Variants in TM9SF2 observed in about 807,000 individuals in gnomAD.
TM9SF2 encodes transmembrane 9 superfamily member 2, also known as 76 kDa membrane protein.
In TM9SF2, 13 loss-of-function variants were observed where a neutral mutation model predicts 84.9. The ratio of observed to expected loss-of-function variants is 0.15; its 90% CI spans 0.10 to 0.24. TM9SF2 has a LOEUF of 0.24. Among genes scored for constraint, TM9SF2 ranks in the 10% least tolerant of loss-of-function variants. The pLI is 1.00. For synonymous variants in TM9SF2, 273 were observed against 285.8 expected, an observed-to-expected ratio of 0.96 and a Z score of 0.45; for missense variants, 562 against 818.5, an observed-to-expected ratio of 0.69 and a Z score of 3.82.
At chr13:99,514,268 A>C (rs898214156) in intron 1 of TM9SF2, 1 of 152,240 alleles carries the variant, frequency 6.6e-6, no homozygotes, top group Non-Finnish European at 1.5e-5. Context: ...ACATTCATTC[A>C]CCGCTCACTC....
chr13:99,551,739 T>G (rs7987619), intron 12 of TM9SF2, among the ~76,000 whole-genome samples: 3,767 of 152,176 alleles, frequency 0.025, 159 homozygotes, highest in African/African-American at 0.086. Context: ...AATTAGTAAG[T>G]AGAATATGTA....
chr13:99,512,326 T>A (rs2046116959), intron 1 of TM9SF2, among the ~76,000 whole-genome samples: 1 of 152,216 alleles, frequency 6.6e-6, no homozygotes, highest in East Asian at 1.9e-4. Flanking sequence ...TCAAAATTAT[T>A]ACTTGCCCAA....
At chr13:99,507,200 C>T (rs1033475307) in intron 1 of TM9SF2, among the ~76,000 whole-genome samples, 1 of 152,152 alleles carries the variant, frequency 6.6e-6, no homozygotes, top group African/African-American at 2.4e-5. Flanking sequence ...AGCCAGAATG[C>T]AAACAAGCCC....
Position 99,520,017 on chromosome 13 carries a change from T to G in TM9SF2, c.240-19T>G. 6.2e-7 allele frequency: 1 copy of G among 1,607,436 alleles called. No individual in the cohort carries two copies. Among genetic ancestry groups the G allele is most frequent in the Non-Finnish European group, 8.5e-7 (1 of 1,177,548 alleles). On this transcript the variant is annotated intron_variant, in intron 2 of 16. Transcript: ENST00000376387. Reference sequence around the variant, plus strand: ...ATCGTTCCCTTTTATGTGTAAAAATTTAAATATTCTTCTCCCAGGTTTGAT... The same window carrying G: ...ATCGTTCCCTTTTATGTGTAAAAATGTAAATATTCTTCTCCCAGGTTTGAT...
At chr13:99,560,531 C>T (rs2046340540) in intron 16 of TM9SF2, among the ~76,000 whole-genome samples, 1 of 152,052 alleles carries the variant, frequency 6.6e-6, no homozygotes, top group South Asian at 2.1e-4. Context: ...GTTTTTGTGC[C>T]CTGTGTGTCC....
chr13:99,542,713 G>C (rs1237619212), intron 9 of TM9SF2, among the ~76,000 whole-genome samples: 1 of 151,992 alleles, frequency 6.6e-6, no homozygotes, highest in Admixed American at 6.6e-5. Context: ...TTGATTTTAT[G>C]TCTTATTAAA....
At chr13:99,504,971 G>A (rs1035429357) in intron 1 of TM9SF2, among the ~76,000 whole-genome samples, 14 of 152,006 alleles carry the variant, frequency 9.2e-5, no homozygotes, top group African/African-American at 3.4e-4. Flanking sequence ...GTAATTATTT[G>A]CATATCCCCA....
In TM9SF2 at chr13:99,559,537, A is replaced by G; in HGVS notation, c.1924+3A>G. ...TTTGATCTTCTTTCTTTTTACAGGT[A>G]AAATTATAATTTAAGTGATTATTTT... On this transcript the variant is annotated splice_donor_region_variant and intron_variant, in intron 16 of 16. Transcript: ENST00000376387. The G allele has an allele frequency of 1.3e-6, 2 of 1,582,556 alleles. No homozygotes were observed. The highest frequency in any genetic ancestry group is 8.6e-7 in the Non-Finnish European group (1 of 1,168,042).
chr13:99,524,070 G>A (rs1390109966), intron 3 of TM9SF2, among the ~76,000 whole-genome samples: 1 of 152,184 alleles, frequency 6.6e-6, no homozygotes, highest in Non-Finnish European at 1.5e-5. Context: ...GCACAGAGAA[G>A]TAACAGGACC....
Position 99,543,849 on chromosome 13 carries a change from C to G in TM9SF2, c.1018-14C>G, listed in dbSNP as rs2046271637. 6.2e-7 allele frequency: 1 copy of G among 1,613,154 alleles called. No homozygotes were observed. Among genetic ancestry groups the G allele is most frequent in the African/African-American group, 1.3e-5 (1 of 74,902 alleles). Reference sequence around the variant, plus strand: ...TACCATGAGACAATCGAACTGATTTCATTCCCCTTTTAGGAAGATGCCCAG... The same window carrying G: ...TACCATGAGACAATCGAACTGATTTGATTCCCCTTTTAGGAAGATGCCCAG... On this transcript the variant is annotated splice_polypyrimidine_tract_variant and intron_variant, in intron 9 of 16. Transcript: ENST00000376387.
At chr13:99,510,571 G>GT (rs944596524) in intron 1 of TM9SF2, among the ~76,000 whole-genome samples, 3 of 152,120 alleles carry the variant, frequency 2.0e-5, no homozygotes, top group African/African-American at 7.2e-5. Context: ...GTGTCATATG[G>GT]TTACACAGGA....
chr13:99,558,596 A>G (rs1181178370), intron 15 of TM9SF2, among the ~76,000 whole-genome samples: 1 of 152,144 alleles, frequency 6.6e-6, no homozygotes, highest in African/African-American at 2.4e-5. Flanking sequence ...GCTATTTTAA[A>G]TGGAATTGGG....
At position 99,513,878 on chromosome 13, in the gene TM9SF2, C is replaced by T. The variant is rs578121949; in HGVS notation, c.172-3736C>T. ...AGTGTCTACGGCTGCTTTTGCACTACGGCAGTGGCAGAGACCCAATGTCCT... is the reference window on the plus strand; with the variant it reads ...AGTGTCTACGGCTGCTTTTGCACTATGGCAGTGGCAGAGACCCAATGTCCT... On this transcript the variant is annotated intron_variant, in intron 1 of 16. Coordinates refer to ENST00000376387, the MANE Select transcript of TM9SF2 (RefSeq NM_004800.3). Among the ~76,000 whole-genome samples, 4 of 151,348 alleles carry T rather than the reference C, an allele frequency of 2.6e-5. No homozygotes were observed. The East Asian group carries it at 5.9e-4, about 22-fold the overall frequency.
At chr13:99,527,436 G>T (rs1044917014) in intron 3 of TM9SF2, among the ~76,000 whole-genome samples, 1 of 152,096 alleles carries the variant, frequency 6.6e-6, no homozygotes, top group Admixed American at 6.5e-5. Flanking sequence ...AGAGTGAATC[G>T]GAGAAAGCCC....
At chr13:99,551,192 A>G (rs1258816168) in intron 12 of TM9SF2, among the ~76,000 whole-genome samples, 3 of 152,246 alleles carry the variant, frequency 2.0e-5, no homozygotes, top group Non-Finnish European at 4.4e-5. Flanking sequence ...TGCACAATCC[A>G]TATGACAAGC....
intron 14 of TM9SF2, 129 bp from the exon 15 acceptor site, chr13:99,555,407 A>C: frequency 1.5e-6 from 1 of 666,426 alleles, no homozygotes; most frequent in Non-Finnish European, 2.6e-6. Flanking sequence ...AACCTGTGAT[A>C]ATTCGTCTTG....
At chr13:99,505,542 G>A (rs1056762256) in intron 1 of TM9SF2, among the ~76,000 whole-genome samples, 2 of 151,986 alleles carry the variant, frequency 1.3e-5, no homozygotes, top group African/African-American at 4.8e-5. Context: ...ATTTTGTTAC[G>A]TTTTGAAACC....
chr13:99,528,189 A>G (rs1380502091), intron 3 of TM9SF2, among the ~76,000 whole-genome samples: 3 of 152,224 alleles, frequency 2.0e-5, no homozygotes, highest in African/African-American at 7.2e-5. Flanking sequence ...GATTTAAAAT[A>G]TTATAAAATT....
Position 99,520,115 on chromosome 13 carries a change from C to T in TM9SF2, c.319C>T (p.Pro107Ser). 1 of 1,613,210 alleles carries T rather than the reference C, an allele frequency of 6.2e-7. No homozygotes were observed. The highest frequency in any genetic ancestry group is 8.5e-7 in the Non-Finnish European group (1 of 1,179,500). The change falls in exon 3 of 17, where the codon CCT becomes TCT. Residue 107 changes from proline (P) to serine (S), a missense_variant. Transcript: ENST00000376387. Reference sequence around the variant, plus strand: ...GGTACTATTCGGGGAAAGAATTGAACCTTCACCATATAAGGTTTGTATTTA... The same window carrying T: ...GGTACTATTCGGGGAAAGAATTGAATCTTCACCATATAAGGTTTGTATTTA... ...GQVLFGERIE[P>S]SPYKFTFNKK...
Sources: gnomAD v4.1 joint callset for allele counts (sites outside exome capture counted in the v4.1 genomes callset) on GRCh38, gnomAD v4.1.1 for gene constraint, MANE v1.5 for transcripts, NCBI Gene and HGNC (gene_info 2026-07-23, HGNC 2026-07-21) for gene names.